The following TEX38 variants were observed in gnomAD, a reference collection of about 807,000 sequenced individuals.
TEX38 encodes testis expressed 38.
In TEX38, 5 loss-of-function variants were observed where a neutral mutation model predicts 2.7. The observed-to-expected ratio is 1.86, with a 90% CI of 0.97 to 3.90. The LOEUF (loss-of-function observed/expected upper bound fraction) is 3.90. Among genes scored for constraint, TEX38 ranks in the 30% most tolerant of loss-of-function variants. TEX38 has a pLI of 0.00. For missense variants in TEX38, 218 were observed against 247.9 expected (o/e 0.88, Z 0.81); for synonymous variants, 110 against 103.3 (o/e 1.06, Z -0.39).
chr1:46,669,705 T>C (rs990915192), upstream of TEX38, among the ~76,000 whole-genome samples: 31 of 152,138 alleles, frequency 2.0e-4, no homozygotes, highest in African/African-American at 6.5e-4. Context: ...CCAAGAGAGA[T>C]AGAGATAAGG....
In TEX38 at chr1:46,671,932, T is replaced by C; in HGVS notation, c.-3T>C. ...CATCGGCCAGGTACCAAAGCTCAGC[T>C]GTATGGATTCCCAACAGGAGGACCT... On this transcript the variant is annotated 5_prime_UTR_variant, in exon 1 of 2. Coordinates refer to ENST00000334122, the MANE Select transcript of TEX38 (RefSeq NM_001145474.4). 6.4e-7 allele frequency: 1 copy of C among 1,550,414 alleles called. No individual in the cohort carries two copies. Among genetic ancestry groups the C allele is most frequent in the Admixed American group, 2.0e-5 (1 of 50,832 alleles).
Sources: gnomAD v4.1 joint callset for allele counts (sites outside exome capture counted in the v4.1 genomes callset) on GRCh38, gnomAD v4.1.1 for gene constraint, MANE v1.5 for transcripts, NCBI Gene and HGNC (gene_info 2026-07-23, HGNC 2026-07-21) for gene names.